MCCC1: variants seen among roughly 807,000 people sequenced by gnomAD.
MCCC1 encodes methylcrotonoyl-CoA carboxylase subunit alpha, mitochondrial.
A neutral mutation model predicts 83.8 loss-of-function variants in MCCC1; 64 were observed. That is an observed-to-expected ratio of 0.76 (90% CI 0.62 to 0.94). The LOEUF (loss-of-function observed/expected upper bound fraction) is 0.94. Ranked by LOEUF, MCCC1 falls within the 40% of genes least tolerant of loss-of-function variation. The pLI is 0.00. For synonymous variants in MCCC1, 322 were observed against 315.4 expected (o/e 1.02, Z -0.22); for missense variants, 807 against 904.7 (o/e 0.89, Z 1.39).
chr3:183,034,568 C>T (rs1713400771), intron 13 of MCCC1, among the ~76,000 whole-genome samples: 1 of 151,028 alleles, frequency 6.6e-6, no homozygotes, highest in Non-Finnish European at 1.5e-5. Flanking sequence ...TATGAAATTT[C>T]ATGTGAAAAA....
chr3:183,112,924 T>TA (rs1334699025), intron 1 of MCCC1, among the ~76,000 whole-genome samples: 2 of 149,380 alleles, frequency 1.3e-5, no homozygotes, highest in South Asian at 2.1e-4. Context: ...TAAAAAAAAA[T>TA]AAAAAATAAA....
chr3:183,017,573 G>T, intron 17 of MCCC1: 1 of 525,910 alleles, frequency 1.9e-6, no homozygotes. Flanking sequence ...ATGTGGTTGT[G>T]CCATCTGCCA....
chr3:183,018,334 T>C (rs1214297258), intron 17 of MCCC1, among the ~76,000 whole-genome samples: 1 of 147,004 alleles, frequency 6.8e-6, no homozygotes, highest in African/African-American at 2.5e-5. Context: ...ATCAGAGGCC[T>C]ACAGGTCAAA....
intron 8 of MCCC1, among the ~76,000 whole-genome samples, chr3:183,053,830 A>C (rs1202288613): frequency 6.6e-6 from 1 of 151,086 alleles, no homozygotes; most frequent in African/African-American, 2.4e-5. Flanking sequence ...AAAAACAAAA[A>C]AAAATTAAAA....
intron 13 of MCCC1, 42 bp from the exon 14 acceptor site, chr3:183,034,119 A>C (rs1368822350): frequency 2.2e-6 from 3 of 1,341,280 alleles, no homozygotes; most frequent in Non-Finnish European, 3.2e-6. Flanking sequence ...TATGAGTATC[A>C]AGCCTATGAA....
chr3:183,020,586 G>A (rs1712071511), intron 16 of MCCC1, among the ~76,000 whole-genome samples: 1 of 151,872 alleles, frequency 6.6e-6, no homozygotes, highest in African/African-American at 2.4e-5. Flanking sequence ...AGCTAAGACT[G>A]CGCCACTGCA....
intron 4 of MCCC1, among the ~76,000 whole-genome samples, chr3:183,080,992 T>C (rs1391567513): frequency 1.3e-5 from 2 of 152,194 alleles, no homozygotes; most frequent in Non-Finnish European, 2.9e-5. Flanking sequence ...GTGGGAATTG[T>C]AGGAGTTGCA....
At chr3:183,026,935 C>T (rs1712654536) in intron 14 of MCCC1, among the ~76,000 whole-genome samples, 1 of 152,308 alleles carries the variant, frequency 6.6e-6, no homozygotes, top group East Asian at 1.9e-4. Flanking sequence ...AGGCACATCT[C>T]ACTTTATTGC....
chr3:183,040,729 A>G (rs1714012150), intron 11 of MCCC1, among the ~76,000 whole-genome samples: 1 of 152,120 alleles, frequency 6.6e-6, no homozygotes, highest in Non-Finnish European at 1.5e-5. Context: ...CTCAAAAACA[A>G]AAACAAACAA....
intron 4 of MCCC1, among the ~76,000 whole-genome samples, chr3:183,082,448 T>C (rs1717579936): frequency 6.6e-6 from 1 of 152,210 alleles, no homozygotes; most frequent in Non-Finnish European, 1.5e-5. Flanking sequence ...GCCCTAAGTG[T>C]ACAGCTCTTA....
chr3:183,038,195 G>A (rs913437232), intron 12 of MCCC1, among the ~76,000 whole-genome samples: 1 of 152,168 alleles, frequency 6.6e-6, no homozygotes, highest in Non-Finnish European at 1.5e-5. Flanking sequence ...AACAGGTATT[G>A]AATATAATGT....
intron 8 of MCCC1, among the ~76,000 whole-genome samples, chr3:183,055,187 A>G (rs1715316496): frequency 6.6e-6 from 1 of 151,752 alleles, no homozygotes; most frequent in South Asian, 2.1e-4. Context: ...GTGGATCACG[A>G]GGTCAGGAGT....
At chr3:183,116,139 A>T (rs1719583782), upstream of MCCC1, 1 of 156,174 alleles carries the variant, frequency 6.4e-6, no homozygotes, top group African/African-American at 2.4e-5. Context: ...GCTTGTTGTC[A>T]TGGGAGCGAG....
intron 12 of MCCC1, among the ~76,000 whole-genome samples, chr3:183,038,177 T>C (rs1713783359): frequency 6.6e-6 from 1 of 152,154 alleles, no homozygotes; most frequent in Admixed American, 6.5e-5. Context: ...CAAGTAACAA[T>C]ATCTGTAAAC....
chr3:183,099,383 G>A lies in MCCC1; in HGVS notation c.58C>T (p.His20Tyr), dbSNP rs1718987210. 1.2e-6 allele frequency: 2 copies of A among 1,603,714 alleles called. No individual in the cohort carries two copies. Among genetic ancestry groups the A allele is most frequent in the Non-Finnish European group, 8.5e-7 (1 of 1,177,008 alleles). ...GGCAGGAGCAGGCTCGGGAGACGAT[G>A]CCACCGGTTCCTCTCCGCCGCCACC... is the stretch of plus-strand genomic sequence containing the variant. ...LLVAAERNRWHRLPSLLLPPR... is the reference protein window; with the variant it reads ...LLVAAERNRWYRLPSLLLPPR... The change falls in exon 1 of 19, where the codon CAT becomes TAT. Residue 20 changes from histidine to tyrosine, a missense_variant. Physicochemically the swap from His to Tyr is moderately conservative, Grantham distance 83. Coordinates refer to ENST00000265594, the MANE Select transcript of MCCC1 (RefSeq NM_020166.5).
At position 183,021,229 on chromosome 3, in the gene MCCC1, A is replaced by G. The variant is rs572116872; in HGVS notation, c.1870-992T>C. 1.2e-4 allele frequency among the ~76,000 whole-genome samples: 18 copies of G among 152,094 alleles called. No individual in the cohort carries two copies. The East Asian group carries it at 3.5e-3, about 29-fold the overall frequency. ...ACTCTATGAGGAAGGTACTGTCATTATTATTATTTTTTAGAGGCAGGGTCT... is the reference window on the plus strand; with the variant it reads ...ACTCTATGAGGAAGGTACTGTCATTGTTATTATTTTTTAGAGGCAGGGTCT... On this transcript the variant is annotated intron_variant, in intron 16 of 18. Transcript: ENST00000265594.
Position 183,045,040 on chromosome 3 carries a change from G to A in MCCC1, c.1083+373C>T, listed in dbSNP as rs990377610. On this transcript the variant is annotated intron_variant, in intron 10 of 18. Transcript: ENST00000265594. The stretch of plus-strand genomic sequence containing the variant: ...AACCCATCACTCAAACAGTGAACAC[G>A]GTACCATTTAGGTAGTTTTTCAGCC... 4.0e-5 allele frequency among the ~76,000 whole-genome samples: 6 copies of A among 151,722 alleles called. No individual in the cohort carries two copies. In the East Asian group the frequency reaches 5.8e-4, roughly 15 times the overall value.
At chr3:183,091,572 CA>C (rs1718336408) in intron 3 of MCCC1, among the ~76,000 whole-genome samples, 1 of 148,022 alleles carries the variant, frequency 6.8e-6, no homozygotes, top group Non-Finnish European at 1.5e-5. Flanking sequence ...TTGTCAAAAA[CA>C]AAAACAAAAC....
intron 7 of MCCC1, among the ~76,000 whole-genome samples, chr3:183,060,165 C>A (rs1392352918): frequency 6.6e-6 from 1 of 151,956 alleles, no homozygotes; most frequent in African/African-American, 2.4e-5. Context: ...TTTTTTCTTT[C>A]ATTTTTATTT....
Sources: allele counts gnomAD v4.1 joint callset (sites outside exome capture counted in the v4.1 genomes callset), GRCh38; gene constraint gnomAD v4.1.1; transcripts MANE v1.5; gene names NCBI Gene and HGNC (gene_info 2026-07-23, HGNC 2026-07-21).